The following NLGN1 variants were observed in gnomAD, a reference collection of about 807,000 sequenced individuals.
The protein encoded by NLGN1 is neuroligin-1.
In NLGN1, 12 loss-of-function variants were observed where a neutral mutation model predicts 65.5. That is an observed-to-expected ratio of 0.18 (90% confidence interval 0.12 to 0.30). The LOEUF (loss-of-function observed/expected upper bound fraction) is 0.30. Ranked by LOEUF, NLGN1 falls within the 10% of genes least tolerant of loss-of-function variation. The pLI, the probability that NLGN1 is intolerant of heterozygous loss-of-function variation, is 1.00. For missense variants in NLGN1, 750 were observed against 1,007.1 expected, an observed-to-expected ratio of 0.74 and a Z score of 3.46; for synonymous variants, 350 against 359.5, an observed-to-expected ratio of 0.97 and a Z score of 0.30.
downstream of NLGN1, among the ~76,000 whole-genome samples, chr3:174,287,226 T>C (rs1377429653): frequency 6.6e-6 from 1 of 151,470 alleles, no homozygotes; most frequent in East Asian, 1.9e-4. Context: ...AATAATGATA[T>C]TGGTAGGAAG....
At chr3:173,774,464 T>C (rs1157026580) in intron 3 of NLGN1, among the ~76,000 whole-genome samples, 1 of 152,200 alleles carries the variant, frequency 6.6e-6, no homozygotes, top group African/African-American at 2.4e-5. Flanking sequence ...TGAGAGACAG[T>C]GACTCCTGTT....
At chr3:174,124,049 A>G (rs1043330974) in intron 4 of NLGN1, among the ~76,000 whole-genome samples, 8 of 152,096 alleles carry the variant, frequency 5.3e-5, no homozygotes, top group African/African-American at 1.9e-4. Flanking sequence ...TTACTCTAGT[A>G]GGATGGTGGC....
chr3:173,851,766 GC>G (rs1399456724), intron 4 of NLGN1, among the ~76,000 whole-genome samples: 3 of 152,030 alleles, frequency 2.0e-5, no homozygotes, highest in African/African-American at 7.2e-5. Flanking sequence ...CAAAGAGGGA[GC>G]ACCCTTCTAT....
At chr3:174,023,769 A>C (rs535878772) in intron 4 of NLGN1, among the ~76,000 whole-genome samples, 10 of 152,186 alleles carry the variant, frequency 6.6e-5, no homozygotes, top group Non-Finnish European at 1.0e-4. Context: ...GGTAAGTTTG[A>C]TTGAGCAAAA....
At chr3:173,559,418 CT>C (rs1742284713) in intron 2 of NLGN1, among the ~76,000 whole-genome samples, 1 of 152,194 alleles carries the variant, frequency 6.6e-6, no homozygotes, top group South Asian at 2.1e-4. Context: ...AGACTAAGGA[CT>C]TGACCCAATG....
In NLGN1 at chr3:174,198,537, A is replaced by T. The variant is rs554555793; in HGVS notation, c.647-76778A>T. Among the ~76,000 whole-genome samples, 5 of 152,340 alleles carry T rather than the reference A, an allele frequency of 3.3e-5. No homozygotes were observed. The East Asian group carries it at 9.6e-4, about 29-fold the overall frequency. ...ATACATTTTGCCTGTACAAATATACAAATTTCTATTTTTTCTGGCAGAATA... is the reference window on the plus strand; with the variant it reads ...ATACATTTTGCCTGTACAAATATACTAATTTCTATTTTTTCTGGCAGAATA... On this transcript the variant is annotated intron_variant, in intron 4 of 6. Transcript: ENST00000457714.
chr3:173,749,057 T>C (rs1424931402), intron 3 of NLGN1, among the ~76,000 whole-genome samples: 1 of 152,070 alleles, frequency 6.6e-6, no homozygotes, highest in Non-Finnish European at 1.5e-5. Context: ...GCATTTTCTG[T>C]ATGCTTGATG....
At chr3:174,212,892 T>G (rs975438652) in intron 4 of NLGN1, among the ~76,000 whole-genome samples, 1 of 152,202 alleles carries the variant, frequency 6.6e-6, no homozygotes, top group Non-Finnish European at 1.5e-5. Flanking sequence ...CATCTTCAAA[T>G]GCTGCAAGGC....
In NLGN1 at chr3:174,279,217, A is replaced by T; in HGVS notation, c.1216A>T (p.Ile406Leu). The change falls in exon 6 of 7, where the codon ATA (isoleucine) becomes TTA (leucine). Residue 406 changes from isoleucine (I) to leucine (L), a missense_variant. Coordinates refer to ENST00000457714, the Ensembl canonical transcript of NLGN1. This position sits in a 1 kb window ranked among gnomAD's most constrained non-coding sequence, Gnocchi z 4.7. ...AAATATAGTAGATAGCGATGATGGT[A>T]TATCAGCTAGTGATTTTGACTTTGC... is the stretch of plus-strand genomic sequence containing the variant. 2 of 1,613,402 alleles carry T rather than the reference A, an allele frequency of 1.2e-6. No homozygotes were observed. The highest frequency in any genetic ancestry group is 1.7e-6 in the Non-Finnish European group (2 of 1,179,578).
intron 2 of NLGN1, among the ~76,000 whole-genome samples, chr3:173,532,696 G>A (rs997999253): frequency 7.2e-5 from 11 of 152,090 alleles, no homozygotes; most frequent in Admixed American, 7.2e-4. Context: ...TTCTAAGGTT[G>A]GCCACTTAAA....
At chr3:173,963,273 G>A (rs1486461589) in intron 4 of NLGN1, among the ~76,000 whole-genome samples, 2 of 151,978 alleles carry the variant, frequency 1.3e-5, no homozygotes, top group Admixed American at 6.6e-5. Context: ...CCAAAAAGAG[G>A]ATTCATTAAA....
intron 2 of NLGN1, among the ~76,000 whole-genome samples, chr3:173,553,491 A>T (rs1226215890): frequency 1.3e-5 from 2 of 152,204 alleles, no homozygotes; most frequent in African/African-American, 4.8e-5. Flanking sequence ...AAATCTATTT[A>T]TCTCCTTTCT....
intron 3 of NLGN1, among the ~76,000 whole-genome samples, chr3:173,712,158 G>T (rs1215507628): frequency 7.2e-5 from 11 of 151,820 alleles, no homozygotes; most frequent in Non-Finnish European, 1.6e-4. Flanking sequence ...TAACCACTGT[G>T]TTGAGTGTTT....
intron 2 of NLGN1, among the ~76,000 whole-genome samples, chr3:173,491,973 CT>C (rs1213168661): frequency 6.6e-6 from 1 of 151,642 alleles, no homozygotes. Flanking sequence ...CCTTAGCACC[CT>C]TATTATTCTC....
intron 3 of NLGN1, among the ~76,000 whole-genome samples, chr3:173,622,470 T>C (rs893122033): frequency 2.6e-5 from 4 of 151,688 alleles, no homozygotes; most frequent in African/African-American, 9.7e-5. Flanking sequence ...TAGAAAAGTA[T>C]CTAAAAGGAA....
chr3:173,560,393 A>T (rs1488161339), intron 2 of NLGN1, among the ~76,000 whole-genome samples: 1 of 152,142 alleles, frequency 6.6e-6, no homozygotes, highest in Admixed American at 6.5e-5. Flanking sequence ...AGGAAATGAA[A>T]AAGGGAAGAA....
At chr3:173,863,010 AGTTGTG>A (rs2150816487) in intron 4 of NLGN1, among the ~76,000 whole-genome samples, 1 of 152,310 alleles carries the variant, frequency 6.6e-6, no homozygotes, top group African/African-American at 2.4e-5. Flanking sequence ...GGTATATAGT[AGTTGTG>A]CTAAAATATG....
In NLGN1 at chr3:173,545,500, T is replaced by G. The variant is rs188696517; in HGVS notation, c.-320-58779T>G. Among the ~76,000 whole-genome samples the G allele has an allele frequency of 8.5e-5, 13 of 152,336 alleles. No individual in the cohort carries two copies. In the East Asian group the frequency reaches 2.5e-3, roughly 29 times the overall value. ...GAAATACACTTTCTTTAAAGCTTTGTCAGGAGAGAATGTAGATTATGCTAG... is the reference window on the plus strand; with the variant it reads ...GAAATACACTTTCTTTAAAGCTTTGGCAGGAGAGAATGTAGATTATGCTAG... On this transcript the variant is annotated intron_variant, in intron 2 of 6. Transcript: ENST00000457714.
intron 4 of NLGN1, among the ~76,000 whole-genome samples, chr3:174,209,669 G>A (rs1004088194): frequency 3.2e-5 from 3 of 92,448 alleles, no homozygotes; most frequent in African/African-American, 1.3e-4. Context: ...TCTTACTCTT[G>A]TCACCCAGGC....
Sources: gnomAD v4.1 joint callset for allele counts (sites outside exome capture counted in the v4.1 genomes callset) on GRCh38, gnomAD v4.1.1 for gene constraint, Gnocchi (gnomAD v3.1) non-coding constraint, MANE v1.5 for transcripts, NCBI Gene and HGNC (gene_info 2026-07-23, HGNC 2026-07-21) for gene names.